SNX10: variants seen among roughly 807,000 people sequenced by gnomAD.
SNX10 encodes the protein sorting nexin-10.
In SNX10, 25 loss-of-function variants were observed where a neutral mutation model predicts 28.5. The observed-to-expected ratio is 0.88, with a 90% CI of 0.64 to 1.22. The LOEUF is 1.22. SNX10 is among the 50% of genes most tolerant of loss of function. The pLI is 0.00. For missense variants in SNX10, 223 were observed against 242.6 expected, an observed-to-expected ratio of 0.92 and a Z score of 0.54; for synonymous variants, 62 against 81.4, an observed-to-expected ratio of 0.76 and a Z score of 1.28.
At chr7:26,317,828 A>G (rs1443629700) in intron 1 of SNX10, among the ~76,000 whole-genome samples, 9 of 151,914 alleles carry the variant, frequency 5.9e-5, no homozygotes, top group Admixed American at 5.9e-4. Context: ...ACGCCCAGCT[A>G]ATTTTTTTAT....
chr7:26,327,834 A>G (rs551554458), intron 1 of SNX10, among the ~76,000 whole-genome samples: 109 of 140,484 alleles, frequency 7.8e-4, no homozygotes, highest in Middle Eastern at 8.2e-3. Flanking sequence ...GGTTCACGCC[A>G]TTCTCCTGCC....
chr7:26,330,376 A>T (rs1787692806), intron 1 of SNX10, among the ~76,000 whole-genome samples: 1 of 152,120 alleles, frequency 6.6e-6, no homozygotes, highest in Non-Finnish European at 1.5e-5. Flanking sequence ...TGGAGATAAC[A>T]GTGACCAGGA....
intron 3 of SNX10, among the ~76,000 whole-genome samples, chr7:26,362,570 T>C (rs144874330): frequency 6.6e-6 from 1 of 152,248 alleles, no homozygotes; most frequent in Non-Finnish European, 1.5e-5. Flanking sequence ...AACAAGCAAA[T>C]AGATTTATTA....
At chr7:26,344,788 C>G (rs1026970148) in intron 1 of SNX10, among the ~76,000 whole-genome samples, 2 of 152,208 alleles carry the variant, frequency 1.3e-5, no homozygotes, top group Non-Finnish European at 2.9e-5. Context: ...CCAACCTAAT[C>G]TCGACTGGTC....
chr7:26,354,688 T>C (rs549842323), intron 2 of SNX10, among the ~76,000 whole-genome samples: 46 of 76,610 alleles, frequency 6.0e-4, no homozygotes, highest in African/African-American at 2.0e-3. Context: ...TCTGATAGTT[T>C]TGTTTTTTTT....
intron 1 of SNX10, among the ~76,000 whole-genome samples, chr7:26,297,959 G>A (rs929991588): frequency 7.3e-5 from 11 of 151,682 alleles, no homozygotes; most frequent in African/African-American, 1.5e-4. Context: ...GGCTGGGCGC[G>A]GTGGCTCACG....
chr7:26,365,256 T>A (rs1789244333), intron 5 of SNX10, 111 bp downstream of exon 5: 2 of 678,910 alleles, frequency 2.9e-6, no homozygotes, highest in Admixed American at 2.4e-5. Flanking sequence ...GCAAATAATC[T>A]GCACTAGAGC....
At chr7:26,328,288 G>A (rs556235783) in intron 1 of SNX10, among the ~76,000 whole-genome samples, 5 of 152,280 alleles carry the variant, frequency 3.3e-5, no homozygotes, top group East Asian at 1.9e-4. Context: ...TTGAGCCACC[G>A]TGTGGATGCT....
intron 1 of SNX10, among the ~76,000 whole-genome samples, chr7:26,339,404 G>A (rs991216199): frequency 1.3e-5 from 2 of 151,852 alleles, no homozygotes; most frequent in African/African-American, 4.8e-5. Flanking sequence ...TTTTTAAATC[G>A]GATTTTTTAT....
rs370190976 is a variant in SNX10, at chr7:26,295,864, GAA to G, written c.-24+3779_-24+3780del. On this transcript the variant is annotated intron_variant, in intron 1 of 6. Coordinates refer to ENST00000338523, the MANE Select transcript of SNX10 (RefSeq NM_013322.3). ...CAGGAAAAGAAAAGCTGTTTGGGGA[GAA>G]GAAGAGGAATGTTGCAGACATGCAT... 9.8e-5 allele frequency among the ~76,000 whole-genome samples: 15 copies of G among 152,378 alleles called. No individual in the cohort carries two copies. In the East Asian group the frequency reaches 1.4e-3, roughly 14 times the overall value.
intron 1 of SNX10, among the ~76,000 whole-genome samples, chr7:26,301,201 T>C (rs1786351943): frequency 6.6e-6 from 1 of 152,156 alleles, no homozygotes; most frequent in African/African-American, 2.4e-5. Flanking sequence ...CCAGGCTTTC[T>C]GGCATTAACA....
In SNX10 at chr7:26,358,509, G is replaced by A. The variant is rs111520602; in HGVS notation, c.25-2466G>A. ...AATCCCAGCACTTTGGGAGGCTGAGGCAGGGGTGTTGCTTGAGCCTAGGAG... is the reference window on the plus strand; with the variant it reads ...AATCCCAGCACTTTGGGAGGCTGAGACAGGGGTGTTGCTTGAGCCTAGGAG... On this transcript the variant is annotated intron_variant, in intron 2 of 6. Coordinates refer to ENST00000338523, the MANE Select transcript of SNX10 (RefSeq NM_013322.3). Among the ~76,000 whole-genome samples the A allele has an allele frequency of 5.4e-3, 824 of 152,282 alleles. 3 individuals carry two copies. Among genetic ancestry groups the A allele is most frequent in the African/African-American group, 0.019 (769 of 41,542 alleles).
intron 1 of SNX10, among the ~76,000 whole-genome samples, chr7:26,331,436 A>AT (rs1396753256): frequency 1.3e-5 from 2 of 151,868 alleles, no homozygotes; most frequent in Non-Finnish European, 2.9e-5. Context: ...AAATATAAAA[A>AT]TTAGCTGGGC....
chr7:26,372,495 T>C lies in SNX10; in HGVS notation c.529T>C (p.Ser177Pro), dbSNP rs994641022. 21 of 1,602,816 alleles carry C rather than the reference T, an allele frequency of 1.3e-5. No homozygotes were observed. Among genetic ancestry groups the C allele is most frequent in the Non-Finnish European group, 1.8e-5 (21 of 1,169,966 alleles). The change falls in exon 7 of 7, where the codon TCC becomes CCC. Residue 177 changes from serine (S) to proline (P), a missense_variant. Ser to Pro is a moderately conservative substitution (Grantham distance 74). Coordinates refer to ENST00000338523, the MANE Select transcript of SNX10 (RefSeq NM_013322.3). ...TCCCCCTCTCTTCTTTTCCAGTTCA[T>C]CCTCTGGGCTTGGACACAGTAGTGA... ...NDIDYDSESS[S>P]SGLGHSSDDS...
intron 1 of SNX10, among the ~76,000 whole-genome samples, chr7:26,297,104 T>TTTG (rs3067579): frequency 0.92 from 139,830 of 152,042 alleles, 65,060 homozygotes; most frequent in Non-Finnish European, 0.99. Flanking sequence ...TAAAGAGCTT[T>TTTG]TTGTTGTTTT....
intron 5 of SNX10, among the ~76,000 whole-genome samples, chr7:26,371,052 T>C (rs1422671487): frequency 6.6e-6 from 1 of 152,170 alleles, no homozygotes; most frequent in African/African-American, 2.4e-5. Flanking sequence ...TACAGGATAG[T>C]TTTTAATCTT....
intron 1 of SNX10, among the ~76,000 whole-genome samples, chr7:26,295,825 G>A (rs1786085420): frequency 6.6e-6 from 1 of 152,220 alleles, no homozygotes; most frequent in South Asian, 2.1e-4. Context: ...TCTACAACTC[G>A]GAGAGATGTG....
At chr7:26,356,845 A>T (rs1481834833) in intron 2 of SNX10, among the ~76,000 whole-genome samples, 1 of 152,158 alleles carries the variant, frequency 6.6e-6, no homozygotes, top group East Asian at 1.9e-4. Context: ...GTTAATTGGC[A>T]CATCCTTAGA....
chr7:26,366,040 A>C (rs538489812), intron 5 of SNX10, among the ~76,000 whole-genome samples: 19 of 152,188 alleles, frequency 1.2e-4, no homozygotes, highest in Non-Finnish European at 2.5e-4. Flanking sequence ...ATCTTAATGC[A>C]CTTAGACATG....
Sources: gnomAD v4.1 joint callset for allele counts (sites outside exome capture counted in the v4.1 genomes callset) on GRCh38, gnomAD v4.1.1 for gene constraint, MANE v1.5 for transcripts, NCBI Gene and HGNC (gene_info 2026-07-23, HGNC 2026-07-21) for gene names.